ABLIM1: variants seen among roughly 807,000 people sequenced by gnomAD.
ABLIM1 encodes actin-binding LIM protein 1.
In ABLIM1, 40 loss-of-function variants were observed where a neutral mutation model predicts 107.0. The ratio of observed to expected loss-of-function variants is 0.37; its 90% CI spans 0.29 to 0.49. The LOEUF is 0.49. ABLIM1 is among the 20% of genes least tolerant of loss of function. ABLIM1 has a pLI of 0.97. For synonymous variants in ABLIM1, 357 were observed against 357.3 expected, an observed-to-expected ratio of 1.00 and a Z score of 0.01; for missense variants, 857 against 1,008.5, an observed-to-expected ratio of 0.85 and a Z score of 2.04.
chr10:114,798,565 C>CCCA, the ABLIM1 span, among the ~76,000 whole-genome samples: 8 of 146,900 alleles, frequency 5.4e-5, 1 homozygote, highest in African/African-American at 1.0e-4. Flanking sequence ...GACCCCCCCC[C>CCCA]CATGTCTACA....
At chr10:114,690,633 T>C (rs1429493262) in intron 1 of ABLIM1, 13 of 751,386 alleles carry the variant, frequency 1.7e-5, no homozygotes, top group Non-Finnish European at 2.6e-5. Context: ...CACCGTGGGA[T>C]TGACTATGGC....
intron 1 of ABLIM1, among the ~76,000 whole-genome samples, chr10:114,740,078 C>T (rs1231578349): frequency 3.9e-5 from 6 of 151,976 alleles, no homozygotes; most frequent in Non-Finnish European, 7.4e-5. Context: ...AATTATAAGA[C>T]GCAGAGAAAG....
intron 6 of ABLIM1, among the ~76,000 whole-genome samples, chr10:114,501,291 T>G (rs2060388972): frequency 6.6e-6 from 1 of 152,216 alleles, no homozygotes; most frequent in Admixed American, 6.5e-5. Flanking sequence ...AGCTATGATC[T>G]GAATCCAGGT....
At chr10:114,684,252 C>G in intron 1 of ABLIM1, 1 of 1,601,506 alleles carries the variant, frequency 6.2e-7, no homozygotes. Context: ...CGACCCCAGA[C>G]AGAATATATG....
intron 6 of ABLIM1, among the ~76,000 whole-genome samples, chr10:114,520,105 C>T (rs1357805353): frequency 6.6e-6 from 1 of 152,360 alleles, no homozygotes; most frequent in East Asian, 1.9e-4. Flanking sequence ...GAGGGTACAC[C>T]CTCAGCTGCT....
At chr10:114,516,197 A>C (rs1463078052) in intron 6 of ABLIM1, among the ~76,000 whole-genome samples, 2 of 151,298 alleles carry the variant, frequency 1.3e-5, no homozygotes, top group African/African-American at 4.9e-5. Context: ...TGTCTAAGGG[A>C]GTGAGGTGAG....
Position 114,629,728 on chromosome 10 carries a change from T to G in ABLIM1, c.245-27767A>C, listed in dbSNP as rs2078044303. ...TTACCCTTTCTGATCCCCAGTTTTC[T>G]CATCTCTAGGATGAATGCCTGGACT... is the stretch of plus-strand genomic sequence containing the variant. On this transcript the variant is annotated intron_variant, in intron 1 of 22. Coordinates refer to ENST00000533213, the MANE Select transcript of ABLIM1 (RefSeq NM_002313.7). The surrounding 1 kb of genome is among the most constrained non-coding windows in gnomAD (Gnocchi z 4.0). 6.6e-6 allele frequency among the ~76,000 whole-genome samples: 1 copy of G among 152,198 alleles called. No individual in the cohort carries two copies. The highest frequency in any genetic ancestry group is 6.6e-5 in the Admixed American group (1 of 15,264).
chr10:114,583,739 T>C (rs971056500), intron 2 of ABLIM1, among the ~76,000 whole-genome samples: 2 of 151,672 alleles, frequency 1.3e-5, no homozygotes, highest in Non-Finnish European at 2.9e-5. Context: ...CAATGGCAGA[T>C]TGAATAAGGA....
At chr10:114,681,384 G>T (rs1254756535) in intron 1 of ABLIM1, among the ~76,000 whole-genome samples, 2 of 152,010 alleles carry the variant, frequency 1.3e-5, no homozygotes, top group Non-Finnish European at 2.9e-5. Context: ...TAGTAGAAAT[G>T]AGGTTTCACC....
intron 1 of ABLIM1, among the ~76,000 whole-genome samples, chr10:114,672,277 T>C (rs957464137): frequency 1.3e-5 from 2 of 152,212 alleles, no homozygotes; most frequent in Non-Finnish European, 2.9e-5. Flanking sequence ...TTCTGTTCAC[T>C]GCAACCTCCG....
At chr10:114,656,457 C>T (rs2141178051) in intron 1 of ABLIM1, among the ~76,000 whole-genome samples, 1 of 152,092 alleles carries the variant, frequency 6.6e-6, no homozygotes, top group Non-Finnish European at 1.5e-5. Flanking sequence ...CCTAGGTATA[C>T]ACCCAAGAGC....
chr10:114,484,502 C>A (rs1367476695), intron 8 of ABLIM1, among the ~76,000 whole-genome samples: 1 of 152,160 alleles, frequency 6.6e-6, no homozygotes, highest in Non-Finnish European at 1.5e-5. Flanking sequence ...CCTGCCTCAG[C>A]CTCCTAAGTA....
chr10:114,443,947 C>G (rs2060614876), intron 17 of ABLIM1, 82 bp downstream of exon 17: 1 of 1,140,380 alleles, frequency 8.8e-7, no homozygotes, highest in African/African-American at 1.6e-5. Context: ...TAGGTTCCAC[C>G]ACAAGTGAAC....
chr10:114,458,937 A>C (rs1192985358), intron 12 of ABLIM1, among the ~76,000 whole-genome samples: 1 of 152,256 alleles, frequency 6.6e-6, no homozygotes, highest in East Asian at 1.9e-4. Flanking sequence ...GAATGAGGCT[A>C]CAAGGAAGTT....
At chr10:114,460,101 T>G (rs1423048146) in intron 12 of ABLIM1, among the ~76,000 whole-genome samples, 1 of 152,158 alleles carries the variant, frequency 6.6e-6, no homozygotes, top group Non-Finnish European at 1.5e-5. Flanking sequence ...CTTTAAAAAT[T>G]ATCTTCACAC....
chr10:114,785,785 G>A, the ABLIM1 span, among the ~76,000 whole-genome samples: 1 of 152,186 alleles, frequency 6.6e-6, no homozygotes, highest in African/African-American at 2.4e-5. Flanking sequence ...CTAGAGTGCA[G>A]TGGCACGATC....
chr10:114,668,051 G>T (rs75278816), intron 1 of ABLIM1, among the ~76,000 whole-genome samples: 2,382 of 151,762 alleles, frequency 0.016, 60 homozygotes, highest in African/African-American at 0.053. Context: ...GGTCCTTCGA[G>T]GTAGGCAGTA....
chr10:114,455,995 T>C (rs1300382796), intron 12 of ABLIM1, among the ~76,000 whole-genome samples: 1 of 151,574 alleles, frequency 6.6e-6, no homozygotes, highest in Non-Finnish European at 1.5e-5. Context: ...TGAATTTTTT[T>C]AGTAGAGACG....
intron 1 of ABLIM1, among the ~76,000 whole-genome samples, chr10:114,625,561 G>A (rs2077735307): frequency 6.6e-6 from 1 of 150,866 alleles, no homozygotes; most frequent in Non-Finnish European, 1.5e-5. Context: ...AGTAATTCTA[G>A]AAGAATTCGC....
Sources: gnomAD v4.1 joint callset for allele counts (sites outside exome capture counted in the v4.1 genomes callset) on GRCh38, gnomAD v4.1.1 for gene constraint, Gnocchi (gnomAD v3.1) non-coding constraint, MANE v1.5 for transcripts, NCBI Gene and HGNC (gene_info 2026-07-23, HGNC 2026-07-21) for gene names.